The following CABIN1 variants were observed in gnomAD, a reference collection of about 807,000 sequenced individuals.
The protein encoded by CABIN1 is calcineurin-binding protein cabin-1.
CABIN1 carries 133 observed loss-of-function variants against 227.7 expected under a neutral mutation model. That is an observed-to-expected ratio of 0.58 (90% CI 0.51 to 0.67). The LOEUF (loss-of-function observed/expected upper bound fraction) is 0.67. Ranked by LOEUF, CABIN1 falls within the 30% of genes least tolerant of loss-of-function variation. CABIN1 has a pLI of 0.00. For missense variants in CABIN1, 2,408 were observed against 2,852.5 expected (o/e 0.84, Z 3.55); for synonymous variants, 1,086 against 1,155.1 (o/e 0.94, Z 1.21).
In CABIN1 at chr22:24,119,596, G is replaced by A. The variant is rs1041032419; in HGVS notation, c.4530G>A (p.Glu1510=). 6.2e-7 allele frequency: 1 copy of A among 1,613,620 alleles called. No homozygotes were observed. The highest frequency in any genetic ancestry group is 1.7e-5 in the Admixed American group (1 of 60,018). The part of the protein sequence containing the change: ...GAEEQRQFLT[E]QCIASFRLCL... ...AGGAGCAGCGGCAGTTTCTCACAGAGCAGTGCATCGCCTCCTTCCGCCTGT... is the reference window on the plus strand; with the variant it reads ...AGGAGCAGCGGCAGTTTCTCACAGAACAGTGCATCGCCTCCTTCCGCCTGT... Residue 1510 remains glutamate, a synonymous_variant, in exon 28 of 37, where the codon GAG becomes GAA. Transcript: ENST00000263119.
Position 24,063,066 on chromosome 22 carries a change from C to T in CABIN1, c.1804C>T (p.Gln602Ter). The change falls in exon 14 of 37, where the codon CAG becomes TAG. Residue 602 changes from glutamine (Q) to a stop codon, truncating the protein, a stop_gained. Coordinates refer to ENST00000263119, the MANE Select transcript of CABIN1 (RefSeq NM_012295.4). LOFTEE classifies it high-confidence loss of function. ...CCTACAGCTGTCATTTGCCTCGTCC[C>T]AGCGCGACCTGTTCGAGGATGGTTG... is the stretch of plus-strand genomic sequence containing the variant. ...DLLQLSFASS[Q>*]RDLFEDGWLE... is the part of the protein sequence containing the mutation. 6.2e-7 allele frequency: 1 copy of T among 1,614,202 alleles called. No homozygotes were observed. Among genetic ancestry groups the T allele is most frequent in the Non-Finnish European group, 8.5e-7 (1 of 1,180,030 alleles).
chr22:24,138,426 A>G (rs1169807342), intron 29 of CABIN1, among the ~76,000 whole-genome samples: 3 of 151,936 alleles, frequency 2.0e-5, no homozygotes, highest in Non-Finnish European at 2.9e-5. Flanking sequence ...GCTCAATTTC[A>G]ACACCTGGAG....
In CABIN1 at chr22:24,070,809, C is replaced by T. The variant is rs148225962; in HGVS notation, c.2242C>T (p.Leu748Phe). The change falls in exon 17 of 37, where the codon CTC (leucine) becomes TTC (phenylalanine). Residue 748 changes from leucine (L) to phenylalanine (F), a missense_variant. Physicochemically the swap from Leu to Phe is conservative, Grantham distance 22 (BLOSUM62 0). Transcript: ENST00000263119. ...CTTCTTGCTGTACTAGGACTCCTTG[C>T]TCCGGCTGAAGGACTATCGGCAGTG... Reference protein sequence around the residue: ...AQLLLLQDSLLRLKDYRQCFE... With the variant: ...AQLLLLQDSLFRLKDYRQCFE... 19 of 1,614,124 alleles carry T rather than the reference C, an allele frequency of 1.2e-5. No homozygotes were observed. Among genetic ancestry groups the T allele is most frequent in the South Asian group, 7.7e-5 (7 of 91,078 alleles).
At chr22:24,023,032 A>T (rs948925612) in intron 1 of CABIN1, among the ~76,000 whole-genome samples, 5 of 152,202 alleles carry the variant, frequency 3.3e-5, no homozygotes, top group African/African-American at 4.8e-5. Context: ...TTTCCAAAAA[A>T]TTTTTATCAT....
chr22:24,172,875 AG>A (rs948851124), intron 34 of CABIN1, among the ~76,000 whole-genome samples: 40 of 152,216 alleles, frequency 2.6e-4, no homozygotes, highest in Admixed American at 2.5e-3. Flanking sequence ...CACCCAGGGC[AG>A]GGAGCCCTTC....
chr22:24,041,241 G>C lies in CABIN1; in HGVS notation c.313G>C (p.Asp105His), dbSNP rs370136037. 1.2e-5 allele frequency: 20 copies of C among 1,614,096 alleles called. No individual in the cohort carries two copies. In the African/African-American group the frequency reaches 2.7e-4, roughly 22 times the overall value. ...NLAQLAAQRE[D>H]LETAMEFYLE... ...GGCCCAGCTGGCAGCCCAGCGGGAG[G>C]ATCTGGAGACAGCCATGGAGTTCTA... The change falls in exon 5 of 37, where the codon GAT becomes CAT. Residue 105 changes from aspartate (D) to histidine (H), a missense_variant. Physicochemically the swap from Asp to His is moderately conservative, Grantham distance 81. Transcript: ENST00000263119.
intron 29 of CABIN1, among the ~76,000 whole-genome samples, chr22:24,152,400 C>G (rs1443228033): frequency 6.6e-6 from 1 of 152,156 alleles, no homozygotes; most frequent in Non-Finnish European, 1.5e-5. Flanking sequence ...GGAGGAGAAA[C>G]GCACTTCACT....
At chr22:24,042,814 CTGACTGTG>C (rs2037483533) in intron 5 of CABIN1, 82 bp from the exon 6 acceptor site, 1 of 792,922 alleles carries the variant, frequency 1.3e-6, no homozygotes, top group African/African-American at 3.3e-5. Context: ...AAGGAGAGAT[CTGACTGTG>C]TGTGTGTGTG....
intron 27 of CABIN1, among the ~76,000 whole-genome samples, chr22:24,117,553 G>C (rs56036324): frequency 0.085 from 12,839 of 151,696 alleles, 666 homozygotes; most frequent in East Asian, 0.3. Flanking sequence ...TTTGGGGGGG[G>C]GGTTAGGTTT....
At chr22:24,156,386 GGCGGCGGCGC>G (rs954770305) in intron 29 of CABIN1, 122 of 288,882 alleles carry the variant, frequency 4.2e-4, no homozygotes, top group Admixed American at 3.0e-3. Flanking sequence ...AGCCGGCTTG[GGCGGCGGCGC>G]GCGGGGGCGG....
intron 28 of CABIN1, among the ~76,000 whole-genome samples, chr22:24,129,398 G>A (rs577687044): frequency 6.2e-4 from 94 of 152,300 alleles, no homozygotes; most frequent in African/African-American, 2.1e-3. Flanking sequence ...GGCATGGACT[G>A]TTGCTTAGCT....
intron 1 of CABIN1, among the ~76,000 whole-genome samples, chr22:24,031,026 G>A (rs1232773729): frequency 6.6e-6 from 1 of 152,176 alleles, no homozygotes; most frequent in African/African-American, 2.4e-5. Flanking sequence ...TTGTGGAATA[G>A]GTTGGCCTTG....
At chr22:24,105,738 AG>A (rs1569223798) in intron 26 of CABIN1, among the ~76,000 whole-genome samples, 3 of 152,174 alleles carry the variant, frequency 2.0e-5, no homozygotes, top group Non-Finnish European at 4.4e-5. Context: ...CCTCAGAACC[AG>A]GGGGCCCAGA....
intron 4 of CABIN1, among the ~76,000 whole-genome samples, 175 bp from the exon 5 acceptor site, chr22:24,040,964 A>G (rs1777101345): frequency 6.6e-6 from 1 of 152,076 alleles, no homozygotes; most frequent in Non-Finnish European, 1.5e-5. Flanking sequence ...GTGCGCTTGG[A>G]GTAGGAGTGG....
intron 19 of CABIN1, 71 bp from the exon 20 acceptor site, chr22:24,083,157 G>T: frequency 1.3e-6 from 2 of 1,516,664 alleles, no homozygotes; most frequent in Admixed American, 3.3e-5. Flanking sequence ...TGGTTTCTCT[G>T]GGGCCCTGCT....
rs2035994668 is a variant in CABIN1, at chr22:24,025,224, A to AT, written c.-74-10215dup. Among the ~76,000 whole-genome samples the AT allele has an allele frequency of 3.9e-5, 6 of 152,118 alleles. No individual in the cohort carries two copies. The South Asian group carries it at 1.2e-3, about 31-fold the overall frequency. ...CATCAATTTTTGACTTTTTCAAACT[A>AT]TTTTTGCAAAATGTATTCCTTGTTG... On this transcript the variant is annotated intron_variant, in intron 1 of 36. Coordinates refer to ENST00000263119, the MANE Select transcript of CABIN1 (RefSeq NM_012295.4).
intron 25 of CABIN1, among the ~76,000 whole-genome samples, chr22:24,096,407 A>G (rs2041897502): frequency 6.6e-6 from 1 of 152,146 alleles, no homozygotes; most frequent in South Asian, 2.1e-4. Flanking sequence ...AGAACACTGT[A>G]GAAAGTCAGT....
chr22:24,085,496 C>T (rs1177460424), intron 22 of CABIN1, among the ~76,000 whole-genome samples: 1 of 152,176 alleles, frequency 6.6e-6, no homozygotes, highest in East Asian at 1.9e-4. Context: ...CCTTTCACAG[C>T]CCCAGAGTGT....
At chr22:24,057,129 G>A (rs1046900398) in intron 10 of CABIN1, among the ~76,000 whole-genome samples, 9 of 152,122 alleles carry the variant, frequency 5.9e-5, no homozygotes, top group African/African-American at 2.2e-4. Flanking sequence ...GTAGAGACGG[G>A]GTTTCACTGT....
Sources: gnomAD v4.1 joint callset for allele counts (sites outside exome capture counted in the v4.1 genomes callset) on GRCh38, gnomAD v4.1.1 for gene constraint, MANE v1.5 for transcripts, NCBI Gene and HGNC (gene_info 2026-07-23, HGNC 2026-07-21) for gene names.